Variants in SHISA6 observed in about 807,000 individuals in gnomAD.
SHISA6 encodes shisa family member 6.
A neutral mutation model predicts 47.9 loss-of-function variants in SHISA6; 22 were observed. The observed-to-expected ratio is 0.46, with a 90% CI of 0.33 to 0.66. The LOEUF (loss-of-function observed/expected upper bound fraction) is 0.66. SHISA6 is among the 30% of genes least tolerant of loss of function. SHISA6 has a pLI of 0.02. For synonymous variants in SHISA6, 388 were observed against 337.8 expected (o/e 1.15, Z -1.63); for missense variants, 680 against 764.6 (o/e 0.89, Z 1.30).
At chr17:11,358,126 A>C (rs1046138499) in intron 2 of SHISA6, among the ~76,000 whole-genome samples, 1 of 152,210 alleles carries the variant, frequency 6.6e-6, no homozygotes, top group African/African-American at 2.4e-5. Flanking sequence ...TTGTGCAAAC[A>C]ATCTCCAGAA....
chr17:11,342,027 G>A (rs977278036), intron 2 of SHISA6, among the ~76,000 whole-genome samples: 2 of 152,054 alleles, frequency 1.3e-5, no homozygotes, highest in Admixed American at 6.5e-5. Flanking sequence ...TGCATGGCCA[G>A]TCTATCTTGT....
chr17:11,394,998 C>CTTTTTTTTTT (rs772109588), intron 3 of SHISA6, among the ~76,000 whole-genome samples: 8 of 95,070 alleles, frequency 8.4e-5, no homozygotes, highest in Non-Finnish European at 1.3e-4. Context: ...TTTTTCTTTT[C>CTTTTTTTTTT]TTTTTTTTTT....
rs1347304027 is a variant in SHISA6, at chr17:11,241,563, CG to C, written c.146del (p.Gly49AlafsTer10). 8 of 1,091,692 alleles carry C rather than the reference CG, an allele frequency of 7.3e-6. No individual in the cohort carries two copies. The highest frequency in any genetic ancestry group is 1.2e-4 in the East Asian group (2 of 17,066). 67.6% of individuals were successfully genotyped at this position (1,091,692 alleles called of 1,614,324 possible). On this transcript the variant is annotated frameshift_variant, in exon 1 of 6. Transcript: ENST00000441885. LOFTEE classifies it high-confidence loss of function. The surrounding 1 kb of genome is among the most constrained non-coding windows in gnomAD (Gnocchi z 5.5). ...GGAAVGGRRA[G>X]GALARGGREL... ...GCGCTGCCGTCGGGGGCCGGAGGGC[CG>C]GGGGCGCCCTGGCACGGGGCGGCCG...
intron 2 of SHISA6, among the ~76,000 whole-genome samples, chr17:11,357,898 T>G (rs1912127410): frequency 1.3e-5 from 2 of 152,218 alleles, no homozygotes. Flanking sequence ...ACTGTCCCAC[T>G]TTATGTCTTC....
At chr17:11,402,768 A>T (rs1207150558) in intron 3 of SHISA6, among the ~76,000 whole-genome samples, 1 of 152,268 alleles carries the variant, frequency 6.6e-6, no homozygotes, top group Non-Finnish European at 1.5e-5. Context: ...ATTAGTGGAT[A>T]TGATGAGATA....
chr17:11,414,911 C>T (rs571729892), intron 3 of SHISA6, among the ~76,000 whole-genome samples: 5 of 151,926 alleles, frequency 3.3e-5, no homozygotes, highest in African/African-American at 7.2e-5. Context: ...GATGGTGAAA[C>T]CCCGTCTCTA....
At chr17:11,313,608 G>A (rs747077593) in intron 2 of SHISA6, among the ~76,000 whole-genome samples, 6 of 152,152 alleles carry the variant, frequency 3.9e-5, no homozygotes, top group African/African-American at 1.2e-4. Flanking sequence ...TCTTTTAACC[G>A]TTACCTTTTG....
At chr17:11,493,589 A>G (rs1251906579) in intron 3 of SHISA6, among the ~76,000 whole-genome samples, 4 of 148,936 alleles carry the variant, frequency 2.7e-5, no homozygotes, top group Non-Finnish European at 4.6e-5. Flanking sequence ...GCGCACACAC[A>G]CACACACATA....
At chr17:11,342,088 C>T (rs770857144) in intron 2 of SHISA6, among the ~76,000 whole-genome samples, 1 of 152,064 alleles carries the variant, frequency 6.6e-6, no homozygotes, top group Non-Finnish European at 1.5e-5. Context: ...CTGCCAGTAT[C>T]TCTGCTGAAA....
intron 2 of SHISA6, among the ~76,000 whole-genome samples, chr17:11,276,124 C>T (rs532857352): frequency 3.6e-4 from 55 of 152,080 alleles, no homozygotes; most frequent in Admixed American, 3.0e-3. Context: ...ATTACAGGCT[C>T]GTGCCACCAT....
intron 3 of SHISA6, among the ~76,000 whole-genome samples, chr17:11,519,032 C>T (rs2142361335): frequency 6.6e-6 from 1 of 152,312 alleles, no homozygotes; most frequent in East Asian, 1.9e-4. Flanking sequence ...GTTTCCCCAA[C>T]TCCCACTTCC....
intron 3 of SHISA6, among the ~76,000 whole-genome samples, chr17:11,397,347 T>C (rs1385582371): frequency 2.0e-5 from 3 of 151,880 alleles, no homozygotes; most frequent in Non-Finnish European, 4.4e-5. Context: ...ATTTCTACTT[T>C]GTCACATACA....
At chr17:11,425,309 G>A (rs996322393) in intron 3 of SHISA6, among the ~76,000 whole-genome samples, 2 of 151,772 alleles carry the variant, frequency 1.3e-5, no homozygotes, top group African/African-American at 4.8e-5. Flanking sequence ...TTAGTGGGAG[G>A]GGGTGACAAA....
chr17:11,512,093 G>T (rs1250665129), intron 3 of SHISA6, among the ~76,000 whole-genome samples: 1 of 152,188 alleles, frequency 6.6e-6, no homozygotes, highest in Non-Finnish European at 1.5e-5. Context: ...ACATTCAAGA[G>T]ATTTCTTAAG....
intron 3 of SHISA6, among the ~76,000 whole-genome samples, chr17:11,388,790 T>TTATATA (rs56048344): frequency 0.012 from 585 of 49,792 alleles, 10 homozygotes; most frequent in Non-Finnish European, 0.015. Context: ...AAACAAAAGT[T>TTATATA]TATATATATA....
intron 3 of SHISA6, among the ~76,000 whole-genome samples, chr17:11,549,054 G>A (rs891912544): frequency 6.6e-6 from 1 of 152,140 alleles, no homozygotes; most frequent in Non-Finnish European, 1.5e-5. Flanking sequence ...TCACACAATT[G>A]TCATTCTGCA....
intron 2 of SHISA6, among the ~76,000 whole-genome samples, chr17:11,352,235 A>T (rs767116454): frequency 2.3e-4 from 35 of 152,250 alleles, no homozygotes; most frequent in Admixed American, 7.8e-4. Flanking sequence ...GAATCCCATG[A>T]AGGAGAGAGA....
intron 3 of SHISA6, among the ~76,000 whole-genome samples, chr17:11,445,944 C>T (rs555504329): frequency 3.3e-5 from 5 of 152,226 alleles, no homozygotes; most frequent in Admixed American, 6.5e-5. Flanking sequence ...TCTCCTGCCT[C>T]GGCGTCCTGA....
intron 3 of SHISA6, among the ~76,000 whole-genome samples, chr17:11,511,753 G>A (rs2969227): frequency 0.012 from 1,791 of 152,278 alleles, 45 homozygotes; most frequent in African/African-American, 0.039. Context: ...ACTCCACCAC[G>A]TTCCTTCTGT....
Sources: allele counts gnomAD v4.1 joint callset (sites outside exome capture counted in the v4.1 genomes callset), GRCh38; gene constraint gnomAD v4.1.1; non-coding constraint Gnocchi (gnomAD v3.1); transcripts MANE v1.5; gene names NCBI Gene and HGNC (gene_info 2026-07-23, HGNC 2026-07-21).